PRKAG2: variants seen among roughly 807,000 people sequenced by gnomAD.
PRKAG2 encodes 5'-AMP-activated protein kinase subunit gamma-2.
In PRKAG2, 26 loss-of-function variants were observed where a neutral mutation model predicts 69.6. That is an observed-to-expected ratio of 0.37 (90% confidence interval 0.27 to 0.52). The LOEUF (loss-of-function observed/expected upper bound fraction) is 0.52, where lower values mean the gene tolerates loss of function less well. PRKAG2 is among the 20% of genes least tolerant of loss of function. The pLI is 0.90. For synonymous variants in PRKAG2, 293 were observed against 285.0 expected (o/e 1.03, Z -0.28); for missense variants, 557 against 740.0 (o/e 0.75, Z 2.87).
chr7:151,832,603 G>GGC (rs1554614864), intron 1 of PRKAG2, among the ~76,000 whole-genome samples: 4 of 151,380 alleles, frequency 2.6e-5, no homozygotes, highest in Non-Finnish European at 5.9e-5. Flanking sequence ...TCTGGGGGGG[G>GGC]GGTCCCAGCA....
chr7:151,809,803 T>C (rs2078321321), intron 1 of PRKAG2: 1 of 153,212 alleles, frequency 6.5e-6, no homozygotes, highest in Non-Finnish European at 1.5e-5. Flanking sequence ...TTCGGATGCT[T>C]ATTGGTGAGA....
At chr7:151,782,705 G>A (rs2076781723) in intron 2 of PRKAG2, among the ~76,000 whole-genome samples, 1 of 152,150 alleles carries the variant, frequency 6.6e-6, no homozygotes, top group Admixed American at 6.5e-5. Flanking sequence ...TGGTCTCACC[G>A]AGCCTCAGCT....
intron 4 of PRKAG2, among the ~76,000 whole-genome samples, chr7:151,649,738 G>A (rs1166542962): frequency 6.6e-6 from 1 of 152,160 alleles, no homozygotes; most frequent in Non-Finnish European, 1.5e-5. Context: ...CGTGAGGTAT[G>A]TGCGGCCCCT....
At chr7:151,651,697 ATGGT>A (rs1563346957) in intron 4 of PRKAG2, among the ~76,000 whole-genome samples, 10 of 152,216 alleles carry the variant, frequency 6.6e-5, no homozygotes, top group African/African-American at 2.4e-4. Flanking sequence ...GTTCAATGAT[ATGGT>A]GTCAGATTAC....
chr7:151,579,693 A>C (rs2151060492), intron 6 of PRKAG2, among the ~76,000 whole-genome samples: 1 of 152,282 alleles, frequency 6.6e-6, no homozygotes, highest in African/African-American at 2.4e-5. Flanking sequence ...AAGAAGCTGA[A>C]ATTTATCAAG....
At chr7:151,804,967 C>A (rs1190366661) in intron 1 of PRKAG2, among the ~76,000 whole-genome samples, 2 of 152,140 alleles carry the variant, frequency 1.3e-5, no homozygotes, top group African/African-American at 4.8e-5. Flanking sequence ...AAAGCCGCTG[C>A]GGAAGTGGCT....
At chr7:151,798,618 ATAAAATGTACTTCC>A (rs1178054055) in intron 1 of PRKAG2, among the ~76,000 whole-genome samples, 1 of 152,188 alleles carries the variant, frequency 6.6e-6, no homozygotes, top group Non-Finnish European at 1.5e-5. Context: ...CCCAGCCTGA[ATAAAATGTACTTCC>A]TATTGTGTTG....
chr7:151,561,706 G>T (rs988152958), intron 14 of PRKAG2, among the ~76,000 whole-genome samples: 1 of 152,126 alleles, frequency 6.6e-6, no homozygotes, highest in East Asian at 1.9e-4. Flanking sequence ...GCCGAGGCGG[G>T]CGGATCACCT....
rs141804012 is a variant in PRKAG2 at position 151,675,633 on chromosome 7, G to A, written c.471C>T (p.Ser157=). The A allele has an allele frequency of 5.2e-4, 845 of 1,612,480 alleles. No individual in the cohort carries two copies. Among genetic ancestry groups the A allele is most frequent in the Non-Finnish European group, 6.5e-4 (764 of 1,178,622 alleles). The stretch of plus-strand genomic sequence containing the variant: ...GTGTTGACGGAGAGGAGGAGAGGCC[G>A]GAGGCTGCAGAAGAAACACCAAGGA... ...IRFFSRSRKT[S]GLSSSPSTPT... is the part of the protein sequence containing the mutation. The change falls in exon 4 of 16, where the codon TCC becomes TCT. Residue 157 remains serine, a synonymous_variant. Coordinates refer to ENST00000287878, the MANE Select transcript of PRKAG2 (RefSeq NM_016203.4).
chr7:151,716,687 A>G (rs563846491), intron 3 of PRKAG2, among the ~76,000 whole-genome samples: 182 of 152,356 alleles, frequency 1.2e-3, no homozygotes, highest in African/African-American at 3.9e-3. Context: ...GGGACTTCAT[A>G]TAAACTCATT....
intron 3 of PRKAG2, among the ~76,000 whole-genome samples, chr7:151,696,378 CGCAACG>C (rs1323342075): frequency 6.6e-6 from 1 of 152,174 alleles, no homozygotes; most frequent in Non-Finnish European, 1.5e-5. Flanking sequence ...TCCGGGGCAG[CGCAACG>C]CCACAGGACC....
At position 151,786,594 on chromosome 7, in the gene PRKAG2, GC is replaced by G. The variant is rs146318817; in HGVS notation, c.115-54del. 917 of 1,464,658 alleles carry G rather than the reference GC, an allele frequency of 6.3e-4. 18 individuals are homozygous for G. The East Asian group carries it at 0.02, about 31-fold the overall frequency. The allele number at this position is 1,464,658 out of a possible 1,614,324, so 90.7% of individuals were successfully genotyped here. A position where few individuals can be genotyped will look rare whatever the true frequency, so the allele number is the denominator to read the frequency against. On this transcript the variant is annotated intron_variant, in intron 1 of 15. Transcript: ENST00000287878. The stretch of plus-strand genomic sequence containing the variant: ...GTGACAGTGGCCCTCGGGCCCAGGG[GC>G]TGCATGGAACTCTACGTGGGTGTCA...
intron 4 of PRKAG2, among the ~76,000 whole-genome samples, chr7:151,662,129 C>T (rs1381342110): frequency 1.3e-5 from 2 of 152,198 alleles, no homozygotes; most frequent in East Asian, 1.9e-4. Flanking sequence ...CTTTCTTCCC[C>T]GCACCGGCTG....
intron 1 of PRKAG2, among the ~76,000 whole-genome samples, chr7:151,821,923 AC>A (rs2078792699): frequency 6.6e-6 from 1 of 152,204 alleles, no homozygotes. Context: ...ACACACATAC[AC>A]ACACGCGCAC....
chr7:151,632,205 C>CG lies in PRKAG2; in HGVS notation c.685-68dup. On this transcript the variant is annotated intron_variant, in intron 4 of 15. Coordinates refer to ENST00000287878, the MANE Select transcript of PRKAG2 (RefSeq NM_016203.4). This position sits in a 1 kb window ranked among gnomAD's most constrained non-coding sequence, Gnocchi z 4.2. ...CGCTCGTCCCCGGCCGGCGGGCTCG[C>CG]GGCCGGCCGAGCGCTGGGGCCTGGC... is the stretch of plus-strand genomic sequence containing the variant. The CG allele has an allele frequency of 8.6e-7, 1 of 1,162,872 alleles. No individual in the cohort carries two copies. Among genetic ancestry groups the CG allele is most frequent in the Non-Finnish European group, 1.1e-6 (1 of 941,628 alleles). The allele number at this position is 1,162,872 out of a possible 1,614,324, so 72.0% of individuals were successfully genotyped here. A position where few individuals can be genotyped will look rare whatever the true frequency, so the allele number is the denominator to read the frequency against.
At chr7:151,764,824 G>A (rs1427180572) in intron 3 of PRKAG2, among the ~76,000 whole-genome samples, 3 of 152,256 alleles carry the variant, frequency 2.0e-5, no homozygotes, top group Non-Finnish European at 4.4e-5. Flanking sequence ...GTTGTAGAGA[G>A]ACAGGGACTC....
At chr7:151,628,168 C>T (rs995846739) in intron 5 of PRKAG2, among the ~76,000 whole-genome samples, 1 of 152,136 alleles carries the variant, frequency 6.6e-6, no homozygotes, top group African/African-American at 2.4e-5. Context: ...GGAGAGAATG[C>T]GGACCGCTCT....
At chr7:151,637,319 A>G (rs1197806716) in intron 4 of PRKAG2, among the ~76,000 whole-genome samples, 1 of 152,242 alleles carries the variant, frequency 6.6e-6, no homozygotes, top group Non-Finnish European at 1.5e-5. Flanking sequence ...TGTCTCTTGC[A>G]ATAATTTAAA....
intron 3 of PRKAG2, among the ~76,000 whole-genome samples, chr7:151,775,286 TC>T (rs2151790434): frequency 6.6e-6 from 1 of 152,264 alleles, no homozygotes; most frequent in South Asian, 2.1e-4. Flanking sequence ...CCTGATTGAT[TC>T]AGGGATCCTA....
Sources: gnomAD v4.1 joint callset for allele counts (sites outside exome capture counted in the v4.1 genomes callset) on GRCh38, gnomAD v4.1.1 for gene constraint, Gnocchi (gnomAD v3.1) non-coding constraint, MANE v1.5 for transcripts, NCBI Gene and HGNC (gene_info 2026-07-23, HGNC 2026-07-21) for gene names.